LRP1B: variants seen among roughly 807,000 people sequenced by gnomAD.
The protein encoded by LRP1B is LDL receptor related protein 1B.
A neutral mutation model predicts 556.6 loss-of-function variants in LRP1B; 217 were observed. The observed-to-expected ratio is 0.39, with a 90% CI of 0.35 to 0.44. The LOEUF (loss-of-function observed/expected upper bound fraction) is 0.44, where lower values mean the gene tolerates loss of function less well. Among genes scored for constraint, LRP1B ranks in the 20% least tolerant of loss-of-function variants. The pLI is 1.00. For synonymous variants in LRP1B, 2,047 were observed against 1,865.8 expected (o/e 1.10, Z -2.50); for missense variants, 5,053 against 5,620.8 (o/e 0.90, Z 3.23).
At chr2:140,632,898 C>T (rs1385863440) in intron 41 of LRP1B, among the ~76,000 whole-genome samples, 1 of 151,800 alleles carries the variant, frequency 6.6e-6, no homozygotes, top group Non-Finnish European at 1.5e-5. Context: ...CCTGTCTCCA[C>T]TAAAAATACA....
At chr2:140,746,953 T>C (rs1456811008) in intron 35 of LRP1B, among the ~76,000 whole-genome samples, 2 of 151,914 alleles carry the variant, frequency 1.3e-5, no homozygotes, top group Non-Finnish European at 2.9e-5. Context: ...TGAAAACACA[T>C]CCTAATGTAT....
chr2:141,145,237 AAAT>A (rs760375132), intron 7 of LRP1B, among the ~76,000 whole-genome samples: 64 of 152,306 alleles, frequency 4.2e-4, no homozygotes, highest in Non-Finnish European at 6.8e-4. Context: ...ACTTATAAGC[AAAT>A]AATATTTAAT....
At chr2:140,618,738 G>T (rs1450149259) in intron 41 of LRP1B, among the ~76,000 whole-genome samples, 2 of 151,928 alleles carry the variant, frequency 1.3e-5, no homozygotes, top group Non-Finnish European at 2.9e-5. Context: ...AGAGTGTCAG[G>T]GAATGACAGG....
intron 41 of LRP1B, among the ~76,000 whole-genome samples, chr2:140,674,174 TC>T (rs1471364919): frequency 6.6e-6 from 1 of 152,028 alleles, no homozygotes; most frequent in Non-Finnish European, 1.5e-5. Context: ...GGTCTCAAAC[TC>T]CTGCCCTCAG....
In LRP1B at chr2:140,602,672, G is replaced by A. The variant is rs185570689; in HGVS notation, c.6800-1033C>T. On this transcript the variant is annotated intron_variant, in intron 41 of 90. Transcript: ENST00000389484. ...TAAGATGAGTTAATATTTAGTTTGG[G>A]GGGATCAATAGGATTTTGTGGGAGG... 1.2e-3 allele frequency among the ~76,000 whole-genome samples: 187 copies of A among 151,930 alleles called. 2 individuals are homozygous for A. The highest frequency in any genetic ancestry group is 4.0e-3 in the African/African-American group (164 of 41,460).
chr2:141,184,637 G>C (rs1012483958), intron 7 of LRP1B, among the ~76,000 whole-genome samples: 3 of 147,036 alleles, frequency 2.0e-5, no homozygotes, highest in African/African-American at 7.5e-5. Flanking sequence ...CATTACTTCA[G>C]ATGTTCATTT....
At chr2:141,101,192 T>A (rs1199155621) in intron 7 of LRP1B, among the ~76,000 whole-genome samples, 1 of 152,106 alleles carries the variant, frequency 6.6e-6, no homozygotes, top group Non-Finnish European at 1.5e-5. Context: ...AACTACCCAA[T>A]GTGAAACCAG....
At chr2:141,814,431 C>T (rs971190772) in intron 1 of LRP1B, among the ~76,000 whole-genome samples, 2 of 152,066 alleles carry the variant, frequency 1.3e-5, no homozygotes, top group Non-Finnish European at 2.9e-5. Context: ...ATTTTGGCTA[C>T]TATGTTGAGA....
chr2:141,047,219 C>T (rs148575474), intron 11 of LRP1B, among the ~76,000 whole-genome samples: 1 of 152,158 alleles, frequency 6.6e-6, no homozygotes, highest in Non-Finnish European at 1.5e-5. Context: ...AGTAGGCAGA[C>T]AGCCTCTGTC....
chr2:142,077,028 T>C (rs552585465), intron 1 of LRP1B, among the ~76,000 whole-genome samples: 1 of 152,052 alleles, frequency 6.6e-6, no homozygotes, highest in Non-Finnish European at 1.5e-5. Flanking sequence ...ACCAAAACAT[T>C]TATTAACTCT....
chr2:141,586,849 G>A (rs1687153952), intron 2 of LRP1B, among the ~76,000 whole-genome samples: 1 of 151,686 alleles, frequency 6.6e-6, no homozygotes, highest in Non-Finnish European at 1.5e-5. Flanking sequence ...GGCTGAGGCA[G>A]GAGAATGGCG....
At chr2:141,776,515 A>G (rs1302776208) in intron 2 of LRP1B, among the ~76,000 whole-genome samples, 1 of 152,174 alleles carries the variant, frequency 6.6e-6, no homozygotes, top group Non-Finnish European at 1.5e-5. Flanking sequence ...ACAGTAGAGG[A>G]AATATCACCC....
At chr2:140,374,565 AAG>A (rs1279118073) in intron 68 of LRP1B, among the ~76,000 whole-genome samples, 1 of 152,174 alleles carries the variant, frequency 6.6e-6, no homozygotes, top group Admixed American at 6.6e-5. Context: ...TGTCATAAGA[AAG>A]AGATGTCATA....
intron 71 of LRP1B, 53 bp from the exon 72 acceptor site, chr2:140,364,836 C>A (rs2105152286): frequency 6.5e-7 from 1 of 1,543,336 alleles, no homozygotes; most frequent in South Asian, 1.2e-5. Flanking sequence ...CAGTGCCAGT[C>A]AGCAGGATCC....
intron 3 of LRP1B, among the ~76,000 whole-genome samples, chr2:141,402,932 C>A (rs898300076): frequency 1.3e-5 from 2 of 152,050 alleles, no homozygotes; most frequent in Non-Finnish European, 2.9e-5. Flanking sequence ...CCAACCATTT[C>A]TTCCCCATTT....
In LRP1B at chr2:141,389,122, A is replaced by G. The variant is rs150192231; in HGVS notation, c.343+91274T>C. 2.6e-3 allele frequency among the ~76,000 whole-genome samples: 401 copies of G among 152,322 alleles called. 1 individual carries two copies. The highest frequency in any genetic ancestry group is 9.2e-3 in the African/African-American group (381 of 41,586). ...AACAAGCTTTTTTACAGAAATAGAA[A>G]AGCCAATCCTCAAATTCTTATGGAA... On this transcript the variant is annotated intron_variant, in intron 3 of 90. Coordinates refer to ENST00000389484, the MANE Select transcript of LRP1B (RefSeq NM_018557.3).
At chr2:141,135,365 G>A (rs1390530409) in intron 7 of LRP1B, among the ~76,000 whole-genome samples, 4 of 151,934 alleles carry the variant, frequency 2.6e-5, no homozygotes, top group African/African-American at 9.7e-5. Flanking sequence ...AGAACAATGA[G>A]AGTTGAGTGC....
chr2:141,575,465 G>A (rs1686703150), intron 2 of LRP1B, among the ~76,000 whole-genome samples: 1 of 152,082 alleles, frequency 6.6e-6, no homozygotes, highest in Admixed American at 6.6e-5. Flanking sequence ...ATGGATTAAA[G>A]ACTTAAATGT....
At chr2:141,510,806 T>A (rs902241619) in intron 2 of LRP1B, among the ~76,000 whole-genome samples, 1 of 151,806 alleles carries the variant, frequency 6.6e-6, no homozygotes, top group African/African-American at 2.4e-5. Flanking sequence ...ATTTTCACCA[T>A]CCTTACATTA....
Sources: gnomAD v4.1 joint callset for allele counts (sites outside exome capture counted in the v4.1 genomes callset) on GRCh38, gnomAD v4.1.1 for gene constraint, MANE v1.5 for transcripts, NCBI Gene and HGNC (gene_info 2026-07-23, HGNC 2026-07-21) for gene names.